Variants in CFAP36 observed in about 807,000 individuals in gnomAD.
The protein encoded by CFAP36 is cilia- and flagella-associated protein 36.
A neutral mutation model predicts 50.5 loss-of-function variants in CFAP36; 37 were observed. That is an observed-to-expected ratio of 0.73 (90% CI 0.56 to 0.96). CFAP36 has a LOEUF of 0.96. Ranked by LOEUF, CFAP36 falls within the 50% of genes least tolerant of loss-of-function variation. The pLI, the probability that CFAP36 is intolerant of heterozygous loss-of-function variation, is 0.00. For synonymous variants in CFAP36, 138 were observed against 128.2 expected, an observed-to-expected ratio of 1.08 and a Z score of -0.52; for missense variants, 407 against 396.2, an observed-to-expected ratio of 1.03 and a Z score of -0.23.
chr2:55,544,784 C>G (rs1447596762), intron 9 of CFAP36, 123 bp from the exon 10 acceptor site: 1 of 637,368 alleles, frequency 1.6e-6, no homozygotes, highest in Non-Finnish European at 2.8e-6. Flanking sequence ...TAGTCTATGT[C>G]TGTCTCTCCC....
intron 4 of CFAP36, among the ~76,000 whole-genome samples, chr2:55,533,247 C>T (rs1684398094): frequency 6.6e-6 from 1 of 152,180 alleles, no homozygotes; most frequent in Admixed American, 6.5e-5. Flanking sequence ...TATTCTTAGA[C>T]ACTATATGAT....
At chr2:55,540,837 CCT>C (rs1022708576) in intron 7 of CFAP36, among the ~76,000 whole-genome samples, 11 of 151,886 alleles carry the variant, frequency 7.2e-5, no homozygotes, top group African/African-American at 2.4e-4. Flanking sequence ...TTGGCGAAAC[CCT>C]GTCTTTACAA....
At position 55,520,269 on chromosome 2, in the gene CFAP36, TG is replaced by T; in HGVS notation, c.115+355del. On this transcript the variant is annotated intron_variant, in intron 1 of 9. Transcript: ENST00000349456. ...TTCTGCCCTCGGCAGGTGGACTGTT[TG>T]GCTGGGCTTCTTCAACAGCTTTGCC... 6.6e-6 allele frequency: 5 copies of T among 756,668 alleles called. No homozygotes were observed. In the East Asian group the frequency reaches 1.4e-4, roughly 22 times the overall value. The allele number at this position is 756,668 out of a possible 1,614,324, so 46.9% of individuals were successfully genotyped here.
intron 5 of CFAP36, among the ~76,000 whole-genome samples, chr2:55,534,740 A>T (rs1019543904): frequency 6.6e-6 from 1 of 152,134 alleles, no homozygotes; most frequent in African/African-American, 2.4e-5. Context: ...TTCTCCAACT[A>T]TACTACCACA....
chr2:55,533,897 A>G lies in CFAP36; in HGVS notation c.422A>G (p.Asp141Gly), dbSNP rs754063541. Residue 141 changes from aspartate (D) to glycine (G), a missense_variant, in exon 5 of 10, where the codon GAT (aspartate) becomes GGT (glycine). Asp to Gly is a moderately conservative substitution (Grantham distance 94). Transcript: ENST00000349456. ...GGTGTATTACCTGACTGCTTAACCG[A>G]TGGCTCTGATGTGGTCAGTGACCTT... Reference protein sequence around the residue: ...RNGVLPDCLTDGSDVVSDLEH... With the variant: ...RNGVLPDCLTGGSDVVSDLEH... The G allele has an allele frequency of 2.6e-5, 42 of 1,611,032 alleles. No individual in the cohort carries two copies. The highest frequency in any genetic ancestry group is 2.5e-4 in the South Asian group (23 of 90,546).
intron 5 of CFAP36, 74 bp downstream of exon 5, chr2:55,534,034 A>G (rs988143678): frequency 4.0e-6 from 3 of 753,964 alleles, no homozygotes; most frequent in African/African-American, 3.6e-5. Flanking sequence ...TTTTTGCCCA[A>G]CAAATATGAA....
At chr2:55,537,772 A>G (rs571898699) in intron 7 of CFAP36, among the ~76,000 whole-genome samples, 187 bp downstream of exon 7, 1 of 152,282 alleles carries the variant, frequency 6.6e-6, no homozygotes, top group South Asian at 2.1e-4. Flanking sequence ...CCTGAAAGAG[A>G]GCGTATAGTC....
chr2:55,534,092 T>C, intron 5 of CFAP36, 132 bp downstream of exon 5: 2 of 494,480 alleles, frequency 4.0e-6, no homozygotes, highest in Admixed American at 3.6e-5. Context: ...AAATGATCTA[T>C]CAATTTATGA....
At chr2:55,532,175 C>G (rs565481503) in intron 4 of CFAP36, among the ~76,000 whole-genome samples, 3 of 150,680 alleles carry the variant, frequency 2.0e-5, no homozygotes, top group South Asian at 2.1e-4. Flanking sequence ...GCGTGCCAGC[C>G]TGGGCAACAG....
chr2:55,540,627 T>G (rs1286307916), intron 7 of CFAP36, among the ~76,000 whole-genome samples: 1 of 152,202 alleles, frequency 6.6e-6, no homozygotes, highest in Non-Finnish European at 1.5e-5. Flanking sequence ...ATCCACAAAA[T>G]AACTTGCTGA....
intron 8 of CFAP36, 65 bp downstream of exon 8, chr2:55,544,139 G>C: frequency 6.2e-7 from 1 of 1,608,280 alleles, no homozygotes; most frequent in Non-Finnish European, 8.5e-7. Flanking sequence ...ATCAAACTTC[G>C]AATTGAATCA....
rs1163073231 is a variant in CFAP36 at position 55,528,243 on chromosome 2, G to T, written c.283-635G>T. ...TAATCATAAAGTATTATATTTTATAGAATTATAAACAAATGCCCCTCTTTA... is the reference window on the plus strand; with the variant it reads ...TAATCATAAAGTATTATATTTTATATAATTATAAACAAATGCCCCTCTTTA... On this transcript the variant is annotated intron_variant, in intron 3 of 9. Coordinates refer to ENST00000349456, the MANE Select transcript of CFAP36 (RefSeq NM_080667.7). Among the ~76,000 whole-genome samples the T allele has an allele frequency of 1.2e-4, 18 of 150,020 alleles. No individual in the cohort carries two copies. In the Middle Eastern group the frequency reaches 0.01, roughly 86 times the overall value.
chr2:55,544,239 C>G lies in CFAP36; in HGVS notation c.797C>G (p.Thr266Arg). ...GPIANLSVLG[T>R]EELRQREHYL... ...ACCCAGAACTTATCAGTACTTGGAACAGAAGAACTTCGGCAACGAGAACAC... is the reference window on the plus strand; with the variant it reads ...ACCCAGAACTTATCAGTACTTGGAAGAGAAGAACTTCGGCAACGAGAACAC... Residue 266 changes from threonine to arginine, a missense_variant, in exon 9 of 10, where the codon ACA becomes AGA. Thr to Arg is a moderately conservative substitution (Grantham distance 71). Transcript: ENST00000349456. 1 of 1,613,254 alleles carries G rather than the reference C, an allele frequency of 6.2e-7. No individual in the cohort carries two copies. Among genetic ancestry groups the G allele is most frequent in the Non-Finnish European group, 8.5e-7 (1 of 1,179,802 alleles).
intron 6 of CFAP36, among the ~76,000 whole-genome samples, chr2:55,536,091 T>C (rs1463189668): frequency 1.3e-5 from 2 of 152,060 alleles, no homozygotes; most frequent in African/African-American, 2.4e-5. Context: ...TTTTATACTT[T>C]TTTCTCCTTC....
intron 3 of CFAP36, 131 bp from the exon 4 acceptor site, chr2:55,528,747 G>C (rs1052495250): frequency 5.2e-6 from 3 of 576,826 alleles, no homozygotes; most frequent in Non-Finnish European, 9.2e-6. Flanking sequence ...TGTCCTTTTG[G>C]GACATCTAAT....
At chr2:55,542,486 T>C (rs1684661874) in intron 7 of CFAP36, among the ~76,000 whole-genome samples, 1 of 152,220 alleles carries the variant, frequency 6.6e-6, no homozygotes. Flanking sequence ...CAATGGATAG[T>C]GTCTTTTCTC....
chr2:55,534,866 G>A (rs1156514409), intron 5 of CFAP36, among the ~76,000 whole-genome samples: 20 of 152,302 alleles, frequency 1.3e-4, no homozygotes. Context: ...AGGAGCTCCA[G>A]GATGCAGTGC....
At chr2:55,523,852 A>C (rs1327984995) in intron 3 of CFAP36, 30 bp downstream of exon 3, 1 of 1,394,872 alleles carries the variant, frequency 7.2e-7, no homozygotes, top group Non-Finnish European at 9.9e-7. Context: ...CTGCTAACAT[A>C]CAGTTTTAAC....
intron 7 of CFAP36, among the ~76,000 whole-genome samples, chr2:55,538,509 G>C (rs544697570): frequency 7.9e-5 from 12 of 152,046 alleles, no homozygotes; most frequent in Non-Finnish European, 1.6e-4. Flanking sequence ...GGTCAGGCTG[G>C]TCTCGAACTC....
Sources: allele counts gnomAD v4.1 joint callset (sites outside exome capture counted in the v4.1 genomes callset), GRCh38; gene constraint gnomAD v4.1.1; transcripts MANE v1.5; gene names NCBI Gene and HGNC (gene_info 2026-07-23, HGNC 2026-07-21).